The following POLG2 variants were observed in gnomAD, a reference collection of about 807,000 sequenced individuals.
POLG2 encodes the protein DNA polymerase subunit gamma-2.
Under a neutral mutation model 56.5 loss-of-function variants are expected in POLG2, and 50 were observed. That is an observed-to-expected ratio of 0.88 (90% CI 0.71 to 1.12). POLG2 has a LOEUF of 1.12. Among genes scored for constraint, POLG2 ranks in the 50% most tolerant of loss-of-function variants. The pLI, the probability that POLG2 is intolerant of heterozygous loss-of-function variation, is 0.00. For missense variants in POLG2, 584 were observed against 583.3 expected, an observed-to-expected ratio of 1.00 and a Z score of -0.01; for synonymous variants, 226 against 222.6, an observed-to-expected ratio of 1.02 and a Z score of -0.14.
At chr17:64,478,515 T>C (rs1397294557) in intron 7 of POLG2, among the ~76,000 whole-genome samples, 1 of 152,240 alleles carries the variant, frequency 6.6e-6, no homozygotes, top group Non-Finnish European at 1.5e-5. Flanking sequence ...ATCTCATTAC[T>C]GTTTATTTCC....
Position 64,491,320 on chromosome 17 carries a change from C to T in POLG2, c.796-351G>A, listed in dbSNP as rs1257234578. ...TTAAAAAGTGAAAATACTGGCCAGG[C>T]ACAGTGGCTCACGCCTGTTATGCCA... On this transcript the variant is annotated intron_variant, in intron 3 of 7. Transcript: ENST00000539111. Among the ~76,000 whole-genome samples the T allele has an allele frequency of 3.9e-5, 6 of 152,138 alleles. No individual in the cohort carries two copies. The East Asian group carries it at 9.6e-4, about 24-fold the overall frequency.
rs369799141 is a variant in POLG2, at chr17:64,480,279, C to T, written c.1292+10G>A. The T allele has an allele frequency of 3.0e-6, 4 of 1,336,242 alleles. No individual in the cohort carries two copies. In the African/African-American group the frequency reaches 5.7e-5, roughly 19 times the overall value. 82.8% of individuals were successfully genotyped at this position (1,336,242 alleles called of 1,614,324 possible). A position where few individuals can be genotyped will look rare whatever the true frequency, so the allele number is the denominator to read the frequency against. The stretch of plus-strand genomic sequence containing the variant: ...ATAAATACACTCTTTAATGAAAATA[C>T]AATTCTTACTTCGAATAAAGTTGTT... On this transcript the variant is annotated intron_variant, in intron 7 of 7. Coordinates refer to ENST00000539111, the MANE Select transcript of POLG2 (RefSeq NM_007215.4).
intron 3 of POLG2, 105 bp downstream of exon 3, chr17:64,492,562 G>C: frequency 1.4e-6 from 1 of 706,200 alleles, no homozygotes; most frequent in Admixed American, 2.2e-5. Context: ...TATATTAATA[G>C]CTACATACAT....
In POLG2 at chr17:64,477,838, T is replaced by G. The variant is rs1555665785; in HGVS notation, c.1443A>C (p.Ser481=). The change falls in exon 8 of 8, where the codon TCA becomes TCC. Residue 481 remains serine, a synonymous_variant. Coordinates refer to ENST00000539111, the MANE Select transcript of POLG2 (RefSeq NM_007215.4). ...LKDFLIKYIS[S]AKNV ...ATATAAAAATCTATACATTCTTAGC[T>G]GATGATATATACTTAATCAAAAAGT... The G allele has an allele frequency of 2.5e-6, 4 of 1,595,722 alleles. No homozygotes were observed. The highest frequency in any genetic ancestry group is 2.6e-6 in the Non-Finnish European group (3 of 1,172,652).
intron 7 of POLG2, among the ~76,000 whole-genome samples, chr17:64,479,093 C>T (rs1245893818): frequency 1.3e-5 from 2 of 151,810 alleles, no homozygotes; most frequent in Non-Finnish European, 2.9e-5. Flanking sequence ...CAAGAAAGTT[C>T]AAGTGCTGCC....
intron 4 of POLG2, among the ~76,000 whole-genome samples, chr17:64,490,070 G>T (rs1462966006): frequency 6.6e-6 from 1 of 152,020 alleles, no homozygotes; most frequent in South Asian, 2.1e-4. Context: ...GACTATAAGG[G>T]CAAGCCACCA....
At chr17:64,484,519 C>T (rs1007828052) in intron 5 of POLG2, among the ~76,000 whole-genome samples, 6 of 152,118 alleles carry the variant, frequency 3.9e-5, no homozygotes, top group Non-Finnish European at 5.9e-5. Flanking sequence ...AAAGGAGCAA[C>T]ACAACATGCA....
In POLG2 at chr17:64,483,156, A is replaced by C. The variant is rs17650301; in HGVS notation, c.1111-157T>G. On this transcript the variant is annotated intron_variant, in intron 5 of 7. Transcript: ENST00000539111. ...AAAACAGAAGTTAGCTGAGGTCATAAAAACACCATGTAGTAACATATTCAG... is the reference window on the plus strand; with the variant it reads ...AAAACAGAAGTTAGCTGAGGTCATACAAACACCATGTAGTAACATATTCAG... Among the ~76,000 whole-genome samples the C allele has an allele frequency of 0.24, 36,641 of 152,128 alleles. 5,540 individuals are homozygous for C. Among genetic ancestry groups the C allele is most frequent in the South Asian group, 0.47 (2,261 of 4,824 alleles).
rs55768876 is a variant in POLG2 at position 64,490,967 on chromosome 17, A to C, written c.798T>G (p.Phe266Leu). 21 of 1,612,166 alleles carry C rather than the reference A, an allele frequency of 1.3e-5. No homozygotes were observed. The East Asian group carries it at 3.1e-4, about 24-fold the overall frequency. Residue 266 changes from phenylalanine to leucine, a missense_variant and splice_region_variant, in exon 4 of 8, where the codon TTT becomes TTG. Phe to Leu is a conservative substitution (Grantham distance 22, BLOSUM62 0). Coordinates refer to ENST00000539111, the MANE Select transcript of POLG2 (RefSeq NM_007215.4). Reference sequence around the variant, plus strand: ...TGCTGAAGTTAGATGGACTCATGGCAAACTGGAAAAGAAAATTTAAGTTTG... The same window carrying C: ...TGCTGAAGTTAGATGGACTCATGGCCAACTGGAAAAGAAAATTTAAGTTTG... ...LRHRLQWWRK[F>L]AMSPSNFSSS...
chr17:64,494,680 T>C (rs894272900), intron 1 of POLG2, among the ~76,000 whole-genome samples: 14 of 152,184 alleles, frequency 9.2e-5, no homozygotes, highest in Admixed American at 9.2e-4. Flanking sequence ...TTAATATGTA[T>C]CTTAATGTTC....
At position 64,490,812 on chromosome 17, in the gene POLG2, T is replaced by C. The variant is rs2038045303; in HGVS notation, c.953A>G (p.Asn318Ser). Residue 318 changes from asparagine (N) to serine (S), a missense_variant, in exon 4 of 8, where the codon AAT (asparagine) becomes AGT (serine). Transcript: ENST00000539111. ...AAAACATACATGTAATTTAGACACA[T>C]TGCCAGGATACATGTGTAAAAGTTC... ...DHELLHMYPG[N>S]VSKLHGRDGR... 1 of 1,612,992 alleles carries C rather than the reference T, an allele frequency of 6.2e-7. No individual in the cohort carries two copies. The highest frequency in any genetic ancestry group is 8.5e-7 in the Non-Finnish European group (1 of 1,178,990).
intron 5 of POLG2, chr17:64,484,369 G>C (rs1283142812): frequency 2.6e-5 from 4 of 152,302 alleles, no homozygotes; most frequent in Non-Finnish European, 5.9e-5. Context: ...GCTCTGAGCT[G>C]GCAGCATCTC....
rs949490390 is a variant in POLG2, at chr17:64,489,634, C to T, written c.969+1162G>A. ...CATCAGTCGGGCATGGTGATACATG[C>T]TTGTAGTCCTAGCTACTTGGGAGGC... On this transcript the variant is annotated intron_variant, in intron 4 of 7. Transcript: ENST00000539111. Among the ~76,000 whole-genome samples, 21 of 152,196 alleles carry T rather than the reference C, an allele frequency of 1.4e-4. 1 individual carries two copies. The highest frequency in any genetic ancestry group is 4.8e-4 in the African/African-American group (20 of 41,544).
At chr17:64,494,991 G>A (rs560724185) in intron 1 of POLG2, among the ~76,000 whole-genome samples, 1 of 151,596 alleles carries the variant, frequency 6.6e-6, no homozygotes, top group Admixed American at 6.6e-5. Context: ...GGCTAACAAG[G>A]TGAAACCCCG....
rs143296241 is a variant in POLG2 at position 64,496,428 on chromosome 17, G to A, written c.541C>T (p.Leu181=). Residue 181 remains leucine (L), a synonymous_variant, in exon 1 of 8, where the codon CTA becomes TTA. Coordinates refer to ENST00000539111, the MANE Select transcript of POLG2 (RefSeq NM_007215.4). ...LENVLKTSGK[L]RENLLHGALE... ...ATACCGTGAAGAAGGTTCTCCCGTA[G>A]TTTCCCAGAAGTTTTTAATACGTTC... is the stretch of plus-strand genomic sequence containing the variant. The A allele has an allele frequency of 1.3e-4, 212 of 1,584,228 alleles. 1 individual carries two copies. The East Asian group carries it at 4.3e-3, about 32-fold the overall frequency.
rs2038166366 is a variant in POLG2 at position 64,497,041 on chromosome 17, G to A, written c.-73C>T. 6.9e-7 allele frequency: 1 copy of A among 1,459,056 alleles called. No homozygotes were observed. The highest frequency in any genetic ancestry group is 9.5e-7 in the Non-Finnish European group (1 of 1,053,548). 90.4% of individuals were successfully genotyped at this position (1,459,056 alleles called of 1,614,324 possible). A position where few individuals can be genotyped will look rare whatever the true frequency, so the allele number is the denominator to read the frequency against. On this transcript the variant is annotated 5_prime_UTR_variant, in exon 1 of 8. Transcript: ENST00000539111. ...CAACAAGCCACCACTACCGTTAACA[G>A]AATCCGGAGAGGCCACGGCGCAGGC... is the stretch of plus-strand genomic sequence containing the variant.
intron 3 of POLG2, among the ~76,000 whole-genome samples, chr17:64,492,324 G>C (rs1342198219): frequency 2.6e-5 from 4 of 152,000 alleles, no homozygotes; most frequent in Non-Finnish European, 5.9e-5. Context: ...GAGCCATTTT[G>C]ACTAATATGG....
At position 64,496,749 on chromosome 17, in the gene POLG2, G is replaced by C; in HGVS notation, c.220C>G (p.Gln74Glu). The C allele has an allele frequency of 6.2e-7, 1 of 1,614,002 alleles. No homozygotes were observed. Among genetic ancestry groups the C allele is most frequent in the Non-Finnish European group, 8.5e-7 (1 of 1,180,010 alleles). Reference protein sequence around the residue: ...EGSEALLEICQRRHFLSGSKQ... With the variant: ...EGSEALLEICERRHFLSGSKQ... ...CTTCCACTTAGGAAATGCCTTCTCT[G>C]ACAGATCTCTAACAGCGCCTCGCTT... is the stretch of plus-strand genomic sequence containing the variant. The change falls in exon 1 of 8, where the codon CAG (glutamine) becomes GAG (glutamate). Residue 74 changes from glutamine to glutamate, a missense_variant. Coordinates refer to ENST00000539111, the MANE Select transcript of POLG2 (RefSeq NM_007215.4).
In POLG2 at chr17:64,496,811, T is replaced by C. The variant is rs1555669640; in HGVS notation, c.158A>G (p.Asn53Ser). ...CCCGGGGGCTTCTGGGTGCTCGCCG[T>C]TCCCCTCGAGCTCCGCGTGCGACTT... ...HVKSHAELEGNGEHPEAPGSG... is the reference protein window; with the variant it reads ...HVKSHAELEGSGEHPEAPGSG... The change falls in exon 1 of 8, where the codon AAC becomes AGC. Residue 53 changes from asparagine to serine, a missense_variant. Transcript: ENST00000539111. The C allele has an allele frequency of 1.9e-6, 3 of 1,613,782 alleles. No individual in the cohort carries two copies. Among genetic ancestry groups the C allele is most frequent in the Non-Finnish European group, 2.5e-6 (3 of 1,180,006 alleles).
Sources: allele counts gnomAD v4.1 joint callset (sites outside exome capture counted in the v4.1 genomes callset), GRCh38; gene constraint gnomAD v4.1.1; transcripts MANE v1.5; gene names NCBI Gene and HGNC (gene_info 2026-07-23, HGNC 2026-07-21).